LRRTM4: variants seen among roughly 807,000 people sequenced by gnomAD.
The protein encoded by LRRTM4 is leucine-rich repeat transmembrane neuronal protein 4.
Under a neutral mutation model 47.6 loss-of-function variants are expected in LRRTM4, and 25 were observed. The ratio of observed to expected loss-of-function variants is 0.53; its 90% CI spans 0.38 to 0.73. The LOEUF is 0.73. LRRTM4 is among the 30% of genes least tolerant of loss of function. The pLI is 0.00. For synonymous variants in LRRTM4, 311 were observed against 269.5 expected (o/e 1.15, Z -1.51); for missense variants, 638 against 713.4 (o/e 0.89, Z 1.20).
intron 3 of LRRTM4, among the ~76,000 whole-genome samples, chr2:76,771,930 T>C (rs922223248): frequency 2.0e-5 from 3 of 152,108 alleles, no homozygotes; most frequent in African/African-American, 7.2e-5. Context: ...GTTTCTCTTA[T>C]CAAAAAGAGA....
intron 3 of LRRTM4, among the ~76,000 whole-genome samples, chr2:76,850,672 G>C (rs1241560034): frequency 1.3e-5 from 2 of 152,124 alleles, no homozygotes; most frequent in Admixed American, 6.6e-5. Context: ...CCCCACCTCT[G>C]TTCATCTGAA....
chr2:77,390,508 G>C (rs557694400), intron 3 of LRRTM4, among the ~76,000 whole-genome samples: 2 of 151,952 alleles, frequency 1.3e-5, no homozygotes, highest in African/African-American at 4.8e-5. Flanking sequence ...ATTGATATCC[G>C]CTGGTAAATA....
intron 3 of LRRTM4, among the ~76,000 whole-genome samples, chr2:77,126,511 A>G (rs933748425): frequency 6.6e-6 from 1 of 152,210 alleles, no homozygotes; most frequent in Non-Finnish European, 1.5e-5. Context: ...TGCATCCAGC[A>G]TCCCAAAGCT....
In LRRTM4 at chr2:76,818,706, T is replaced by C. The variant is rs376368945; in HGVS notation, c.1552-69790A>G. On this transcript the variant is annotated intron_variant, in intron 3 of 3. Coordinates refer to ENST00000409884, the MANE Select transcript of LRRTM4 (RefSeq NM_001134745.3). ...CATGACATGATCAAGTTCACTCATA[T>C]ATCACCCCACCCACACATGCAGACA... is the stretch of plus-strand genomic sequence containing the variant. Among the ~76,000 whole-genome samples, 12 of 151,790 alleles carry C rather than the reference T, an allele frequency of 7.9e-5. No homozygotes were observed. The East Asian group carries it at 1.7e-3, about 22-fold the overall frequency.
chr2:77,164,085 CAT>C (rs1416258729), intron 3 of LRRTM4, among the ~76,000 whole-genome samples: 5 of 152,138 alleles, frequency 3.3e-5, no homozygotes, highest in African/African-American at 9.7e-5. Context: ...CAGAGACACA[CAT>C]AGGCTCAAAA....
chr2:77,332,828 C>A (rs191784807), intron 3 of LRRTM4, among the ~76,000 whole-genome samples: 2 of 152,212 alleles, frequency 1.3e-5, no homozygotes, highest in East Asian at 3.9e-4. Flanking sequence ...TAGGTATTCA[C>A]ATTTTAATTT....
At chr2:77,050,878 C>T (rs180876297) in intron 3 of LRRTM4, among the ~76,000 whole-genome samples, 2 of 152,084 alleles carry the variant, frequency 1.3e-5, no homozygotes, top group Non-Finnish European at 2.9e-5. Flanking sequence ...TATTATTCAT[C>T]AGTACTCTTA....
intron 3 of LRRTM4, among the ~76,000 whole-genome samples, chr2:77,035,780 T>C (rs1188777866): frequency 1.3e-5 from 2 of 151,804 alleles, no homozygotes; most frequent in African/African-American, 2.4e-5. Flanking sequence ...AATTTACCTG[T>C]TGGAGAGCAT....
chr2:77,035,260 A>AAAAC lies in LRRTM4; in HGVS notation c.1552-286348_1552-286345dup, dbSNP rs199622118. Among the ~76,000 whole-genome samples the AAAAC allele has an allele frequency of 1.4e-3, 214 of 151,234 alleles. 1 individual carries two copies. The highest frequency in any genetic ancestry group is 6.8e-3 in the Middle Eastern group (2 of 294). On this transcript the variant is annotated intron_variant, in intron 3 of 3. Transcript: ENST00000409884. ...TCCAGATTCACACATAGTTCTAAGA[A>AAAAC]AAACAAACAAACAAACAAACAAACA...
chr2:76,977,835 A>G (rs1333541075), intron 3 of LRRTM4, among the ~76,000 whole-genome samples: 1 of 152,046 alleles, frequency 6.6e-6, no homozygotes, highest in East Asian at 1.9e-4. Context: ...CTATTAGAAG[A>G]AAACAAATAC....
chr2:77,377,494 T>C (rs571131465), intron 3 of LRRTM4, among the ~76,000 whole-genome samples: 1 of 152,066 alleles, frequency 6.6e-6, no homozygotes, highest in South Asian at 2.1e-4. Context: ...TCTTTTACCT[T>C]ATTTTTAGTC....
At chr2:77,001,700 A>G (rs1298445581) in intron 3 of LRRTM4, among the ~76,000 whole-genome samples, 1 of 151,928 alleles carries the variant, frequency 6.6e-6, no homozygotes, top group Non-Finnish European at 1.5e-5. Context: ...AAAAATTAAA[A>G]CTCAATTGCG....
At chr2:76,983,358 G>A (rs1337192149) in intron 3 of LRRTM4, among the ~76,000 whole-genome samples, 1 of 151,998 alleles carries the variant, frequency 6.6e-6, no homozygotes, top group East Asian at 1.9e-4. Context: ...ATAATCCCCA[G>A]GTGTCAAGGG....
rs769268618 is a variant in LRRTM4, at chr2:77,253,529, T to A, written c.1551+264789A>T. Among the ~76,000 whole-genome samples, 84 of 152,108 alleles carry A rather than the reference T, an allele frequency of 5.5e-4. 1 individual carries two copies. The highest frequency in any genetic ancestry group is 1.0e-3 in the Non-Finnish European group (70 of 68,024). ...TACCCAGTCCTGCAGTTATTCATAA[T>A]TTAATTTTTAAAAAATACCTTGACA... is the stretch of plus-strand genomic sequence containing the variant. On this transcript the variant is annotated intron_variant, in intron 3 of 3. Coordinates refer to ENST00000409884, the MANE Select transcript of LRRTM4 (RefSeq NM_001134745.3).
chr2:77,398,861 A>G (rs1379069013), intron 3 of LRRTM4, among the ~76,000 whole-genome samples: 2 of 151,838 alleles, frequency 1.3e-5, no homozygotes, highest in Non-Finnish European at 2.9e-5. Context: ...TTCCTTATCT[A>G]TGAGGAGCAT....
intron 3 of LRRTM4, among the ~76,000 whole-genome samples, chr2:77,264,703 A>T (rs1247546871): frequency 1.3e-5 from 2 of 152,130 alleles, no homozygotes; most frequent in Non-Finnish European, 2.9e-5. Flanking sequence ...AATGTATTAG[A>T]TGTCATGACA....
rs554467240 is a variant in LRRTM4 at position 77,240,868 on chromosome 2, A to G, written c.1551+277450T>C. On this transcript the variant is annotated intron_variant, in intron 3 of 3. Coordinates refer to ENST00000409884, the MANE Select transcript of LRRTM4 (RefSeq NM_001134745.3). The stretch of plus-strand genomic sequence containing the variant: ...GTAACAAAATGTGTACAAAATCTGT[A>G]TGCTGAATAATAAAAAACAATAATG... Among the ~76,000 whole-genome samples the G allele has an allele frequency of 2.6e-5, 4 of 152,102 alleles. No individual in the cohort carries two copies. In the East Asian group the frequency reaches 7.7e-4, roughly 29 times the overall value.
intron 3 of LRRTM4, among the ~76,000 whole-genome samples, chr2:77,516,090 T>C (rs961981733): frequency 6.6e-6 from 1 of 151,816 alleles, no homozygotes; most frequent in African/African-American, 2.4e-5. Flanking sequence ...CTAATGTCCA[T>C]GTTTGAGGGC....
At chr2:76,881,889 C>T (rs1280253800) in intron 3 of LRRTM4, among the ~76,000 whole-genome samples, 1 of 152,122 alleles carries the variant, frequency 6.6e-6, no homozygotes, top group Non-Finnish European at 1.5e-5. Context: ...TAAATGGTTG[C>T]AAGTTTTACC....
Sources: gnomAD v4.1 joint callset for allele counts (sites outside exome capture counted in the v4.1 genomes callset) on GRCh38, gnomAD v4.1.1 for gene constraint, MANE v1.5 for transcripts, NCBI Gene and HGNC (gene_info 2026-07-23, HGNC 2026-07-21) for gene names.